Variants in SPATA6 observed in about 807,000 individuals in gnomAD.
SPATA6 encodes spermatogenesis-associated protein 6.
In SPATA6, 56 loss-of-function variants were observed where a neutral mutation model predicts 65.3. That is an observed-to-expected ratio of 0.86 (90% CI 0.69 to 1.07). The LOEUF is 1.07. Among genes scored for constraint, SPATA6 ranks in the 50% least tolerant of loss-of-function variants. The pLI is 0.00. For missense variants in SPATA6, 590 were observed against 594.8 expected (o/e 0.99, Z 0.08); for synonymous variants, 199 against 213.2 (o/e 0.93, Z 0.58).
At chr1:48,458,430 G>A (rs1212095350) in intron 1 of SPATA6, among the ~76,000 whole-genome samples, 1 of 152,130 alleles carries the variant, frequency 6.6e-6, no homozygotes, top group Non-Finnish European at 1.5e-5. Flanking sequence ...AAAAGCACAA[G>A]GCCAGATGTA....
At chr1:48,471,565 G>A (rs1165608290) in intron 1 of SPATA6, among the ~76,000 whole-genome samples, 5 of 152,142 alleles carry the variant, frequency 3.3e-5, no homozygotes, top group Admixed American at 6.5e-5. Flanking sequence ...CCCACCCCCA[G>A]ACTTGGGAAA....
intron 8 of SPATA6, 126 bp from the exon 9 acceptor site, chr1:48,385,475 C>T (rs1407676914): frequency 4.2e-6 from 3 of 706,452 alleles, no homozygotes; most frequent in Non-Finnish European, 6.7e-6. Context: ...AATCCTTCAA[C>T]AGTGTTACAT....
chr1:48,422,201 C>T (rs1199037139), intron 3 of SPATA6, among the ~76,000 whole-genome samples: 4 of 152,152 alleles, frequency 2.6e-5, no homozygotes, highest in African/African-American at 9.7e-5. Flanking sequence ...ACCAATCATT[C>T]TAAAAAGATT....
Position 48,333,922 on chromosome 1 carries a change from A to G in SPATA6, c.1194+21748T>C, listed in dbSNP as rs142600816. ...CAAGAAAAGAGAGCATATCCAAATA[A>G]ACACTATAATAAATGACAAAGGGAA... On this transcript the variant is annotated intron_variant, in intron 11 of 12. Coordinates refer to ENST00000371847, the MANE Select transcript of SPATA6 (RefSeq NM_019073.4). Among the ~76,000 whole-genome samples the G allele has an allele frequency of 6.6e-5, 10 of 152,308 alleles. No homozygotes were observed. The East Asian group carries it at 1.9e-3, about 29-fold the overall frequency.
the SPATA6 span, among the ~76,000 whole-genome samples, chr1:48,279,501 T>C: frequency 1.3e-5 from 2 of 151,686 alleles, no homozygotes; most frequent in Admixed American, 6.6e-5. Flanking sequence ...ACCAAGTAAA[T>C]GGAAAACAAA....
the SPATA6 span, among the ~76,000 whole-genome samples, chr1:48,277,475 C>T: frequency 2.0e-5 from 3 of 152,214 alleles, no homozygotes; most frequent in African/African-American, 7.2e-5. Flanking sequence ...CACTCCCACC[C>T]CAATACTGCG....
At chr1:48,446,401 A>G (rs994649196) in intron 3 of SPATA6, among the ~76,000 whole-genome samples, 8 of 152,196 alleles carry the variant, frequency 5.3e-5, no homozygotes, top group Admixed American at 1.3e-4. Context: ...CCAGCTGGGG[A>G]AAAACACTGC....
intron 9 of SPATA6, among the ~76,000 whole-genome samples, chr1:48,374,552 A>G (rs1647668646): frequency 6.6e-6 from 1 of 152,196 alleles, no homozygotes; most frequent in African/African-American, 2.4e-5. Flanking sequence ...GCTATAAACC[A>G]GTAAATAACT....
Position 48,299,516 on chromosome 1 carries a change from G to GAAAAAAAAAAAAAAA in SPATA6, c.1287-638_1287-624dup, listed in dbSNP as rs58072004. 8.7e-3 allele frequency among the ~76,000 whole-genome samples: 334 copies of GAAAAAAAAAAAAAAA among 38,176 alleles called. 58 individuals carry two copies. Among genetic ancestry groups the GAAAAAAAAAAAAAAA allele is most frequent in the Non-Finnish European group, 0.011 (233 of 21,030 alleles). 25.0% of individuals were successfully genotyped at this position (38,176 alleles called of 152,430 possible). On this transcript the variant is annotated intron_variant, in intron 12 of 12. Coordinates refer to ENST00000371847, the MANE Select transcript of SPATA6 (RefSeq NM_019073.4). Reference sequence around the variant, plus strand: ...ACAACAAGAGCAAAACTCCGTCTCGGAAAAAAAAAAAAAAAAAAAAAGAAT... The same window carrying GAAAAAAAAAAAAAAA: ...ACAACAAGAGCAAAACTCCGTCTCGGAAAAAAAAAAAAAAAAAAAAAAAAAAAAAAAAAAAAGAAT...
intron 11 of SPATA6, among the ~76,000 whole-genome samples, chr1:48,334,908 C>T (rs1646019186): frequency 6.6e-6 from 1 of 152,140 alleles, no homozygotes; most frequent in Non-Finnish European, 1.5e-5. Context: ...CCCAAAGCTC[C>T]TTGAACTGAT....
intron 12 of SPATA6, among the ~76,000 whole-genome samples, chr1:48,299,351 T>C (rs1471785588): frequency 1.3e-5 from 2 of 150,722 alleles, no homozygotes; most frequent in African/African-American, 2.4e-5. Flanking sequence ...CCATATCTAC[T>C]AAAAAATACA....
At chr1:48,366,258 T>A (rs1160784832) in intron 9 of SPATA6, among the ~76,000 whole-genome samples, 1 of 152,170 alleles carries the variant, frequency 6.6e-6, no homozygotes, top group Non-Finnish European at 1.5e-5. Flanking sequence ...AAATTCTCTT[T>A]TTTGGTTGTG....
chr1:48,399,706 G>A, intron 6 of SPATA6, 62 bp from the exon 7 acceptor site: 3 of 1,421,834 alleles, frequency 2.1e-6, no homozygotes, highest in South Asian at 1.4e-5. Flanking sequence ...CTGTTGGTGG[G>A]GAAAAAATTA....
chr1:48,276,867 T>G, the SPATA6 span, among the ~76,000 whole-genome samples: 2 of 152,178 alleles, frequency 1.3e-5, no homozygotes, highest in African/African-American at 4.8e-5. Flanking sequence ...GGAGCTGAAT[T>G]CAAGTCCTGA....
At chr1:48,264,317 C>T in the SPATA6 span, among the ~76,000 whole-genome samples, 1 of 152,152 alleles carries the variant, frequency 6.6e-6, no homozygotes, top group African/African-American at 2.4e-5. Flanking sequence ...ACATTTCCAC[C>T]TTATCTTGAT....
At chr1:48,445,122 T>G (rs1655890928) in intron 3 of SPATA6, among the ~76,000 whole-genome samples, 1 of 152,222 alleles carries the variant, frequency 6.6e-6, no homozygotes, top group Non-Finnish European at 1.5e-5. Flanking sequence ...GATTCCACAT[T>G]GGTTCAATAA....
At chr1:48,369,096 G>A (rs958185238) in intron 9 of SPATA6, among the ~76,000 whole-genome samples, 2 of 152,176 alleles carry the variant, frequency 1.3e-5, no homozygotes, top group Non-Finnish European at 2.9e-5. Flanking sequence ...AGTGGTGGCT[G>A]CAGAACAGCG....
chr1:48,465,144 G>A (rs1429359225), intron 1 of SPATA6, among the ~76,000 whole-genome samples: 2 of 151,988 alleles, frequency 1.3e-5, no homozygotes, highest in Non-Finnish European at 2.9e-5. Flanking sequence ...AAGAAAACAA[G>A]AATACACTTT....
chr1:48,322,606 AG>A, intron 11 of SPATA6, among the ~76,000 whole-genome samples: 1 of 152,374 alleles, frequency 6.6e-6, no homozygotes, highest in South Asian at 2.1e-4. Flanking sequence ...GCACAGCAAA[AG>A]AAACTGTCAT....
Sources: gnomAD v4.1 joint callset for allele counts (sites outside exome capture counted in the v4.1 genomes callset) on GRCh38, gnomAD v4.1.1 for gene constraint, MANE v1.5 for transcripts, NCBI Gene and HGNC (gene_info 2026-07-23, HGNC 2026-07-21) for gene names.